COMMD10: variants seen among roughly 807,000 people sequenced by gnomAD.
COMMD10 encodes the protein COMM domain containing 10.
Under a neutral mutation model 28.9 loss-of-function variants are expected in COMMD10, and 33 were observed. The observed-to-expected ratio is 1.14, with a 90% CI of 0.87 to 1.53. The LOEUF is 1.53. Ranked by LOEUF, COMMD10 falls within the 40% of genes most tolerant of loss-of-function variation. The probability of loss-of-function intolerance (pLI) is 0.00; values close to 1 mark genes in which losing one functional copy is unlikely to be tolerated. For synonymous variants in COMMD10, 110 were observed against 81.7 expected, an observed-to-expected ratio of 1.35 and a Z score of -1.87; for missense variants, 310 against 233.4, an observed-to-expected ratio of 1.33 and a Z score of -2.14.
intron 5 of COMMD10, among the ~76,000 whole-genome samples, chr5:116,170,468 A>G (rs1190573877): frequency 6.6e-6 from 1 of 152,220 alleles, no homozygotes; most frequent in Non-Finnish European, 1.5e-5. Flanking sequence ...ACTTCTTCAC[A>G]GAATTAGAGG....
intron 5 of COMMD10, among the ~76,000 whole-genome samples, chr5:116,236,586 A>G (rs1160358508): frequency 6.6e-6 from 1 of 151,926 alleles, no homozygotes; most frequent in African/African-American, 2.4e-5. Context: ...TACTAACTCA[A>G]GCCAATGTGA....
At chr5:116,212,523 T>TGTGTGTGTGTGTGTGTGTGG (rs1580552963) in intron 5 of COMMD10, among the ~76,000 whole-genome samples, 1 of 71,500 alleles carries the variant, frequency 1.4e-5, no homozygotes, top group Non-Finnish European at 4.5e-5. Context: ...TGTGTGTGTG[T>TGTGTGTGTGTGTGTGTGTGG]AGAATGTGAG....
chr5:116,155,463 G>A (rs1370687222), intron 5 of COMMD10, among the ~76,000 whole-genome samples: 1 of 151,914 alleles, frequency 6.6e-6, no homozygotes, highest in Admixed American at 6.6e-5. Flanking sequence ...AGGCTGTTAG[G>A]GGAGATAAAA....
intron 5 of COMMD10, among the ~76,000 whole-genome samples, chr5:116,285,336 G>A (rs901293670): frequency 2.0e-5 from 3 of 151,912 alleles, no homozygotes; most frequent in Non-Finnish European, 4.4e-5. Flanking sequence ...GGGATTCTAT[G>A]TCAGAACATG....
intron 5 of COMMD10, chr5:116,188,591 C>A (rs528464473): frequency 1.3e-5 from 2 of 149,620 alleles, no homozygotes; most frequent in African/African-American, 4.9e-5. Flanking sequence ...TTCTTTCTTT[C>A]TTTTCTTCTT....
intron 5 of COMMD10, among the ~76,000 whole-genome samples, chr5:116,149,425 C>T (rs939652700): frequency 3.6e-4 from 54 of 148,466 alleles, no homozygotes; most frequent in African/African-American, 1.1e-3. Context: ...CCTGAGGAAT[C>T]GCCACACAGA....
chr5:116,123,311 C>T (rs1389090879), intron 4 of COMMD10, among the ~76,000 whole-genome samples: 2 of 152,120 alleles, frequency 1.3e-5, no homozygotes, highest in Admixed American at 6.6e-5. Flanking sequence ...GCCTTTCCTG[C>T]ATCTACTGAG....
chr5:116,204,554 T>C lies in COMMD10; in HGVS notation c.510+70376T>C, dbSNP rs928044354. ...GAAATATCTAATAGTATAATCTTTTTCCTCTATGTTACAGGCAGAAGTATA... is the reference window on the plus strand; with the variant it reads ...GAAATATCTAATAGTATAATCTTTTCCCTCTATGTTACAGGCAGAAGTATA... On this transcript the variant is annotated intron_variant, in intron 5 of 6. Coordinates refer to ENST00000274458, the MANE Select transcript of COMMD10 (RefSeq NM_016144.4). Among the ~76,000 whole-genome samples the C allele has an allele frequency of 2.0e-4, 31 of 152,126 alleles. 1 individual carries two copies. Among genetic ancestry groups the C allele is most frequent in the Admixed American group, 7.2e-4 (11 of 15,246 alleles).
chr5:116,280,485 G>A (rs552828466), intron 5 of COMMD10, among the ~76,000 whole-genome samples: 2 of 151,880 alleles, frequency 1.3e-5, no homozygotes, highest in East Asian at 3.9e-4. Flanking sequence ...AAATTTGGGA[G>A]CTTAGTTATA....
chr5:116,127,934 TAATAAA>T (rs1041418245), intron 4 of COMMD10, among the ~76,000 whole-genome samples: 2 of 151,312 alleles, frequency 1.3e-5, no homozygotes, highest in East Asian at 1.9e-4. Flanking sequence ...ATAATAATAA[TAATAAA>T]AAAGGTGGGA....
At position 116,192,273 on chromosome 5, in the gene COMMD10, C is replaced by A. The variant is rs879432448; in HGVS notation, c.510+58095C>A. 3.3e-4 allele frequency among the ~76,000 whole-genome samples: 36 copies of A among 109,484 alleles called. 1 individual carries two copies. The highest frequency in any genetic ancestry group is 6.3e-3 in the Middle Eastern group (1 of 160). The allele number at this position is 109,484 out of a possible 152,430, so 71.8% of individuals were successfully genotyped here. A position where few individuals can be genotyped will look rare whatever the true frequency, so the allele number is the denominator to read the frequency against. On this transcript the variant is annotated intron_variant, in intron 5 of 6. Transcript: ENST00000274458. The stretch of plus-strand genomic sequence containing the variant: ...AAGGCTCTTTAACAACCCCCCCCCC[C>A]AAAAATAACACTAGTTCACAAGCAG...
At chr5:116,189,491 A>C (rs1312951086) in intron 5 of COMMD10, among the ~76,000 whole-genome samples, 1 of 152,070 alleles carries the variant, frequency 6.6e-6, no homozygotes, top group Non-Finnish European at 1.5e-5. Context: ...CTTGTTTCCC[A>C]AGTCTGTTTC....
In COMMD10 at chr5:116,109,696, G is replaced by GT. The variant is rs1421116272; in HGVS notation, c.399+16997dup. On this transcript the variant is annotated intron_variant, in intron 4 of 6. Coordinates refer to ENST00000274458, the MANE Select transcript of COMMD10 (RefSeq NM_016144.4). ...TGTTCTCAACTAGATTGTTACTGGTGTAAGAAATGCTACTGATTTTTCATG... is the reference window on the plus strand; with the variant it reads ...TGTTCTCAACTAGATTGTTACTGGTGTTAAGAAATGCTACTGATTTTTCATG... Among the ~76,000 whole-genome samples the GT allele has an allele frequency of 2.6e-5, 4 of 152,186 alleles. No individual in the cohort carries two copies. In the East Asian group the frequency reaches 5.8e-4, roughly 22 times the overall value.
intron 4 of COMMD10, among the ~76,000 whole-genome samples, chr5:116,106,640 A>G (rs1188106904): frequency 6.6e-6 from 1 of 152,132 alleles, no homozygotes; most frequent in Non-Finnish European, 1.5e-5. Context: ...TAGGTCTCTA[A>G]GAACTTGCTT....
At chr5:116,161,095 T>G (rs781331410) in intron 5 of COMMD10, among the ~76,000 whole-genome samples, 1 of 152,156 alleles carries the variant, frequency 6.6e-6, no homozygotes, top group South Asian at 2.1e-4. Flanking sequence ...TTGGTTGGTT[T>G]GTTTTTGGTA....
At position 116,218,031 on chromosome 5, in the gene COMMD10, C is replaced by T. The variant is rs1749150380; in HGVS notation, c.511-73486C>T. 3 of 1,068,212 alleles carry T rather than the reference C, an allele frequency of 2.8e-6. No individual in the cohort carries two copies. The African/African-American group carries it at 4.6e-5, about 16-fold the overall frequency. 66.2% of individuals were successfully genotyped at this position (1,068,212 alleles called of 1,614,324 possible). ...TCAAAAATGCACACACTTCTCTTGG[C>T]ACCTCCAGCACCTTCAGCTTTCTGT... On this transcript the variant is annotated intron_variant, in intron 5 of 6. Transcript: ENST00000274458.
In COMMD10 at chr5:116,181,643, G is replaced by A. The variant is rs542987770; in HGVS notation, c.510+47465G>A. Among the ~76,000 whole-genome samples, 3 of 151,886 alleles carry A rather than the reference G, an allele frequency of 2.0e-5. No homozygotes were observed. In the East Asian group the frequency reaches 5.8e-4, roughly 29 times the overall value. ...AGAACTATTATTTTGAAATGTGCAGGATGCTTCTGGTCCAAGGACCATACT... is the reference window on the plus strand; with the variant it reads ...AGAACTATTATTTTGAAATGTGCAGAATGCTTCTGGTCCAAGGACCATACT... On this transcript the variant is annotated intron_variant, in intron 5 of 6. Coordinates refer to ENST00000274458, the MANE Select transcript of COMMD10 (RefSeq NM_016144.4).
chr5:116,223,986 T>C (rs888254628), intron 5 of COMMD10, among the ~76,000 whole-genome samples: 5 of 152,198 alleles, frequency 3.3e-5, no homozygotes, highest in African/African-American at 1.2e-4. Flanking sequence ...TGGAGCAGCA[T>C]TATAAGACCA....
At chr5:116,202,276 A>G (rs1416658793) in intron 5 of COMMD10, among the ~76,000 whole-genome samples, 1 of 151,510 alleles carries the variant, frequency 6.6e-6, no homozygotes, top group South Asian at 2.1e-4. Context: ...TTCTTAATCC[A>G]GTCTATCATT....
Sources: allele counts gnomAD v4.1 joint callset (sites outside exome capture counted in the v4.1 genomes callset), GRCh38; gene constraint gnomAD v4.1.1; transcripts MANE v1.5; gene names NCBI Gene and HGNC (gene_info 2026-07-23, HGNC 2026-07-21).